KYNU: variants seen among roughly 807,000 people sequenced by gnomAD.
KYNU encodes the protein kynureninase.
In KYNU, 54 loss-of-function variants were observed where a neutral mutation model predicts 59.2. That is an observed-to-expected ratio of 0.91 (90% CI 0.73 to 1.14). The LOEUF (loss-of-function observed/expected upper bound fraction) is 1.14. KYNU is among the 50% of genes most tolerant of loss of function. The pLI, the probability that KYNU is intolerant of heterozygous loss-of-function variation, is 0.00. For synonymous variants in KYNU, 177 were observed against 192.0 expected, an observed-to-expected ratio of 0.92 and a Z score of 0.65; for missense variants, 567 against 554.4, an observed-to-expected ratio of 1.02 and a Z score of -0.23.
intron 1 of KYNU, among the ~76,000 whole-genome samples, chr2:142,883,331 A>G (rs1158367062): frequency 6.6e-6 from 1 of 150,486 alleles, no homozygotes; most frequent in Admixed American, 6.7e-5. Flanking sequence ...AGTAGCTGGG[A>G]CTACAGGCGC....
intron 2 of KYNU, among the ~76,000 whole-genome samples, chr2:142,886,511 G>A (rs760003244): frequency 6.6e-6 from 1 of 152,150 alleles, no homozygotes; most frequent in Non-Finnish European, 1.5e-5. Context: ...TAAGTTGAGG[G>A]AGATATTGAT....
rs1558943723 is a variant in KYNU, at chr2:142,957,655, AC to A, written c.523del (p.Gln175AsnfsTer15). 1 of 1,602,638 alleles carries A rather than the reference AC, an allele frequency of 6.2e-7. No homozygotes were observed. Among genetic ancestry groups the A allele is most frequent in the African/African-American group, 1.3e-5 (1 of 74,798 alleles). ...TTCCTTTTTAGTATGCTATTGAGTC[AC>A]AACTACAACTTCACGGACTTAACAT... ...FPSDHYAIES[Q>X]LQLHGLNIEE... On this transcript the variant is annotated frameshift_variant, in exon 7 of 14. Transcript: ENST00000264170. LOFTEE classifies it high-confidence loss of function.
chr2:142,956,912 G>C (rs1055619999), intron 6 of KYNU, among the ~76,000 whole-genome samples: 3 of 152,068 alleles, frequency 2.0e-5, no homozygotes, highest in Admixed American at 2.0e-4. Context: ...GGAAACCAAG[G>C]CAGGAGGAAC....
intron 1 of KYNU, among the ~76,000 whole-genome samples, chr2:142,880,681 A>T (rs914590802): frequency 1.3e-5 from 2 of 152,230 alleles, no homozygotes; most frequent in African/African-American, 4.8e-5. Flanking sequence ...AAACATCATC[A>T]CTGTTTGGTT....
At position 142,936,302 on chromosome 2, in the gene KYNU, A is replaced by G. The variant is rs917000160; in HGVS notation, c.373+8561A>G. Among the ~76,000 whole-genome samples, 3 of 152,182 alleles carry G rather than the reference A, an allele frequency of 2.0e-5. No individual in the cohort carries two copies. In the East Asian group the frequency reaches 5.8e-4, roughly 29 times the overall value. The stretch of plus-strand genomic sequence containing the variant: ...ATTATAAAGTCAAATGTTTTATTTG[A>G]GGGCCATTTAGATGCATTGTTTAAT... On this transcript the variant is annotated intron_variant, in intron 4 of 13. Coordinates refer to ENST00000264170, the MANE Select transcript of KYNU (RefSeq NM_003937.3).
intron 2 of KYNU, among the ~76,000 whole-genome samples, chr2:142,902,192 A>G (rs1242238123): frequency 1.3e-5 from 2 of 152,204 alleles, no homozygotes; most frequent in Admixed American, 1.3e-4. Flanking sequence ...CCCGTAAACA[A>G]TGATGCCAAC....
At chr2:142,896,074 A>C (rs1681865334) in intron 2 of KYNU, among the ~76,000 whole-genome samples, 1 of 152,160 alleles carries the variant, frequency 6.6e-6, no homozygotes, top group South Asian at 2.1e-4. Context: ...CTTAGCTTTC[A>C]GGCCATACAA....
chr2:142,989,739 A>G (rs1009525916), intron 10 of KYNU: 2 of 154,338 alleles, frequency 1.3e-5, no homozygotes, highest in African/African-American at 4.8e-5. Flanking sequence ...TTGGTTAAAC[A>G]GAAAGCTTAA....
intron 10 of KYNU, among the ~76,000 whole-genome samples, chr2:143,012,483 C>CAAAAAGCAAA (rs1686134573): frequency 9.5e-6 from 1 of 104,978 alleles, no homozygotes; most frequent in African/African-American, 4.3e-5. Context: ...ACTCCATCTC[C>CAAAAAGCAAA]AAAAAACAAA....
At chr2:142,988,748 T>A (rs1685300836) in intron 10 of KYNU, 1 of 887,120 alleles carries the variant, frequency 1.1e-6, no homozygotes, top group Non-Finnish European at 1.9e-6. Context: ...AAGCTTCTTT[T>A]TAAGTGATGT....
chr2:143,020,045 A>T (rs1431895497), intron 10 of KYNU, among the ~76,000 whole-genome samples: 4 of 151,378 alleles, frequency 2.6e-5, no homozygotes, highest in Non-Finnish European at 5.9e-5. Flanking sequence ...AAGTTTGCCA[A>T]TTTTGTTTAT....
At chr2:142,911,517 T>A (rs1351758820) in intron 2 of KYNU, among the ~76,000 whole-genome samples, 1 of 152,120 alleles carries the variant, frequency 6.6e-6, no homozygotes, top group African/African-American at 2.4e-5. Context: ...GATAGATAAT[T>A]TTTTTTCTAT....
At chr2:143,037,514 GTTTCC>G (rs1558987322) in intron 12 of KYNU, among the ~76,000 whole-genome samples, 1 of 152,006 alleles carries the variant, frequency 6.6e-6, no homozygotes, top group Non-Finnish European at 1.5e-5. Flanking sequence ...TGTACTATAC[GTTTCC>G]TTTCAAATTT....
intron 4 of KYNU, among the ~76,000 whole-genome samples, chr2:142,940,226 A>G (rs1392051573): frequency 1.3e-5 from 2 of 152,256 alleles, no homozygotes; most frequent in African/African-American, 4.8e-5. Context: ...ATTTAATTTG[A>G]CCGGAGAATA....
chr2:142,938,324 C>A (rs572370147), intron 4 of KYNU, among the ~76,000 whole-genome samples: 1 of 152,180 alleles, frequency 6.6e-6, no homozygotes, highest in South Asian at 2.1e-4. Context: ...TATAATTGAG[C>A]AAAGAACGAT....
chr2:142,899,589 G>C (rs375489688), intron 2 of KYNU, among the ~76,000 whole-genome samples: 14 of 152,174 alleles, frequency 9.2e-5, no homozygotes. Context: ...AGTAGGGGTC[G>C]TGCAATTGAG....
chr2:142,949,325 C>A (rs1683908087), intron 4 of KYNU, among the ~76,000 whole-genome samples: 1 of 152,214 alleles, frequency 6.6e-6, no homozygotes, highest in Non-Finnish European at 1.5e-5. Context: ...GGTGGTGTCC[C>A]AGTAGGTACA....
intron 10 of KYNU, among the ~76,000 whole-genome samples, chr2:142,986,270 A>T (rs913766202): frequency 6.6e-6 from 1 of 152,000 alleles, no homozygotes; most frequent in Admixed American, 6.6e-5. Flanking sequence ...CACTGCAATC[A>T]TGTAAAGCGG....
At chr2:142,924,525 G>T (rs1006603693) in intron 3 of KYNU, among the ~76,000 whole-genome samples, 8 of 152,088 alleles carry the variant, frequency 5.3e-5, no homozygotes, top group African/African-American at 1.9e-4. Context: ...CTAAAAACAG[G>T]GCCATTTTTC....
Sources: allele counts gnomAD v4.1 joint callset (sites outside exome capture counted in the v4.1 genomes callset), GRCh38; gene constraint gnomAD v4.1.1; transcripts MANE v1.5; gene names NCBI Gene and HGNC (gene_info 2026-07-23, HGNC 2026-07-21).